NPAS3: variants seen among roughly 807,000 people sequenced by gnomAD.
NPAS3 encodes the protein neuronal PAS domain-containing protein 3.
Under a neutral mutation model 73.1 loss-of-function variants are expected in NPAS3, and 14 were observed. The observed-to-expected ratio is 0.19, with a 90% CI of 0.13 to 0.30. The LOEUF (loss-of-function observed/expected upper bound fraction) is 0.30, where lower values mean the gene tolerates loss of function less well. NPAS3 is among the 10% of genes least tolerant of loss of function. The pLI, the probability that NPAS3 is intolerant of heterozygous loss-of-function variation, is 1.00. For synonymous variants in NPAS3, 620 were observed against 541.5 expected, an observed-to-expected ratio of 1.14 and a Z score of -2.01; for missense variants, 1,096 against 1,250.0, an observed-to-expected ratio of 0.88 and a Z score of 1.86.
At chr14:33,362,385 G>GAACT (rs2045643768) in intron 3 of NPAS3, among the ~76,000 whole-genome samples, 1 of 152,164 alleles carries the variant, frequency 6.6e-6, no homozygotes, top group Non-Finnish European at 1.5e-5. Context: ...CATACCTCAT[G>GAACT]AACTTCTGGG....
chr14:33,619,255 A>C, intron 5 of NPAS3, among the ~76,000 whole-genome samples: 1 of 152,156 alleles, frequency 6.6e-6, no homozygotes, highest in East Asian at 1.9e-4. Context: ...ATATAATTTA[A>C]ATTTCCTATG....
chr14:33,533,259 G>T (rs1001692266), intron 4 of NPAS3, among the ~76,000 whole-genome samples: 1 of 151,954 alleles, frequency 6.6e-6, no homozygotes, highest in Non-Finnish European at 1.5e-5. Flanking sequence ...ATCGTATAAG[G>T]CAAAGGATAA....
intron 4 of NPAS3, among the ~76,000 whole-genome samples, chr14:33,481,025 G>T (rs1228932086): frequency 6.6e-6 from 1 of 152,082 alleles, no homozygotes; most frequent in East Asian, 1.9e-4. Flanking sequence ...AGAGATAATA[G>T]GATTAAGTTA....
At chr14:33,750,509 T>C (rs1483972730) in intron 7 of NPAS3, among the ~76,000 whole-genome samples, 5 of 152,302 alleles carry the variant, frequency 3.3e-5, no homozygotes, top group Non-Finnish European at 7.4e-5. Flanking sequence ...GTAGTTTTTT[T>C]CCCCAAAGCT....
At chr14:32,984,389 G>A (rs564345294) in intron 1 of NPAS3, among the ~76,000 whole-genome samples, 2 of 152,196 alleles carry the variant, frequency 1.3e-5, no homozygotes, top group East Asian at 3.9e-4. Context: ...ATAGGGTTAC[G>A]TAAATACAAA....
At chr14:33,559,708 T>C (rs915769664) in intron 4 of NPAS3, among the ~76,000 whole-genome samples, 3 of 152,222 alleles carry the variant, frequency 2.0e-5, no homozygotes, top group African/African-American at 4.8e-5. Flanking sequence ...TCGTTAAACA[T>C]GGAGAAAAGA....
intron 2 of NPAS3, 120 bp downstream of exon 2, chr14:33,056,114 AAAAAAAC>A: frequency 1.9e-6 from 1 of 537,954 alleles, no homozygotes. Flanking sequence ...TGGGGGAGAA[AAAAAAAC>A]AAAAAAACAA....
intron 3 of NPAS3, among the ~76,000 whole-genome samples, chr14:33,360,077 G>T (rs150342628): frequency 8.9e-4 from 136 of 152,336 alleles, no homozygotes; most frequent in Middle Eastern, 6.8e-3. Context: ...GGCCTCCGCT[G>T]ACACACAGGC....
chr14:33,465,918 T>C (rs1228064946), intron 4 of NPAS3, among the ~76,000 whole-genome samples: 1 of 152,094 alleles, frequency 6.6e-6, no homozygotes, highest in African/African-American at 2.4e-5. Flanking sequence ...AAATGCTAAA[T>C]TGTGTAGTAT....
chr14:33,247,977 G>A (rs1343732859), intron 3 of NPAS3, among the ~76,000 whole-genome samples: 3 of 152,186 alleles, frequency 2.0e-5, no homozygotes, highest in Non-Finnish European at 2.9e-5. Flanking sequence ...TATTTTCACG[G>A]TATAGTTTAG....
chr14:33,744,096 A>G (rs1434543073), intron 7 of NPAS3, among the ~76,000 whole-genome samples: 1 of 152,158 alleles, frequency 6.6e-6, no homozygotes, highest in Non-Finnish European at 1.5e-5. Context: ...ATTTTCTTTC[A>G]AGAACTTTTC....
At chr14:33,172,487 G>C (rs898757549) in intron 2 of NPAS3, among the ~76,000 whole-genome samples, 2 of 152,106 alleles carry the variant, frequency 1.3e-5, no homozygotes, top group Non-Finnish European at 1.5e-5. Flanking sequence ...TGAAATCTCA[G>C]CATTTTGGGA....
At position 33,025,490 on chromosome 14, in the gene NPAS3, G is replaced by A. The variant is rs567296732; in HGVS notation, c.51-30415G>A. 7.9e-5 allele frequency among the ~76,000 whole-genome samples: 12 copies of A among 152,312 alleles called. No homozygotes were observed. In the East Asian group the frequency reaches 1.9e-3, roughly 24 times the overall value. On this transcript the variant is annotated intron_variant, in intron 1 of 11. Transcript: ENST00000356141. Reference sequence around the variant, plus strand: ...ACTTGCTGGTATCCTCTACAAGAGAGGTTGGTTAGAGCAAGTCTGCCAGGC... The same window carrying A: ...ACTTGCTGGTATCCTCTACAAGAGAAGTTGGTTAGAGCAAGTCTGCCAGGC...
intron 4 of NPAS3, among the ~76,000 whole-genome samples, chr14:33,388,277 A>G (rs989403935): frequency 1.3e-5 from 2 of 152,072 alleles, no homozygotes; most frequent in Non-Finnish European, 2.9e-5. Context: ...ATTAACAAGT[A>G]AAACATCCCC....
At chr14:32,992,893 G>A (rs557987142) in intron 1 of NPAS3, among the ~76,000 whole-genome samples, 1 of 152,054 alleles carries the variant, frequency 6.6e-6, no homozygotes, top group Non-Finnish European at 1.5e-5. Context: ...GGTGGCTCAC[G>A]CTTGTAATCC....
chr14:33,336,534 A>T (rs2044235533), intron 3 of NPAS3, among the ~76,000 whole-genome samples: 2 of 152,268 alleles, frequency 1.3e-5, no homozygotes, highest in Admixed American at 6.5e-5. Flanking sequence ...TCTCACTTTT[A>T]TTCTCTTTCA....
At chr14:33,400,365 A>C (rs1483689512) in intron 4 of NPAS3, among the ~76,000 whole-genome samples, 1 of 152,160 alleles carries the variant, frequency 6.6e-6, no homozygotes, top group Non-Finnish European at 1.5e-5. Context: ...TTTTGCTCAC[A>C]CCTTGTCCTC....
intron 2 of NPAS3, among the ~76,000 whole-genome samples, chr14:33,109,862 G>A (rs923759128): frequency 8.4e-5 from 11 of 130,520 alleles, no homozygotes; most frequent in African/African-American, 1.2e-4. Context: ...TGGCTCCCAG[G>A]CTGGAGTGCA....
At chr14:33,684,125 T>A (rs2060018679) in intron 6 of NPAS3, among the ~76,000 whole-genome samples, 1 of 151,872 alleles carries the variant, frequency 6.6e-6, no homozygotes, top group Admixed American at 6.6e-5. Flanking sequence ...GATAGATAGG[T>A]CCCTGGTAGG....
Sources: gnomAD v4.1 joint callset for allele counts (sites outside exome capture counted in the v4.1 genomes callset) on GRCh38, gnomAD v4.1.1 for gene constraint, MANE v1.5 for transcripts, NCBI Gene and HGNC (gene_info 2026-07-23, HGNC 2026-07-21) for gene names.